The following AGAP1 variants were observed in gnomAD, a reference collection of about 807,000 sequenced individuals.
The protein encoded by AGAP1 is arf-GAP with GTPase, ANK repeat and PH domain-containing protein 1.
A neutral mutation model predicts 105.3 loss-of-function variants in AGAP1; 29 were observed. That is an observed-to-expected ratio of 0.28 (90% CI 0.21 to 0.38). The LOEUF is 0.38. Among genes scored for constraint, AGAP1 ranks in the 10% least tolerant of loss-of-function variants. AGAP1 has a pLI of 1.00. For synonymous variants in AGAP1, 509 were observed against 485.9 expected, an observed-to-expected ratio of 1.05 and a Z score of -0.63; for missense variants, 998 against 1,165.1, an observed-to-expected ratio of 0.86 and a Z score of 2.09.
intron 16 of AGAP1, among the ~76,000 whole-genome samples, chr2:236,094,923 CAAAAAAAAAAAAAAAA>C (rs59126473): frequency 2.6e-5 from 1 of 37,770 alleles, no homozygotes; most frequent in East Asian, 8.0e-4. Flanking sequence ...CCCATCTCTA[CAAAAAAAAAAAAAAAA>C]AAAAAAAAAA....
intron 16 of AGAP1, 84 bp downstream of exon 16, chr2:236,049,365 T>C: frequency 1.6e-6 from 2 of 1,280,766 alleles, no homozygotes; most frequent in Middle Eastern, 2.5e-4. Context: ...CAGCCACGGT[T>C]GGGAAGGCCC....
intron 1 of AGAP1, among the ~76,000 whole-genome samples, chr2:235,637,039 T>G (rs1947027141): frequency 6.6e-6 from 1 of 152,182 alleles, no homozygotes; most frequent in Non-Finnish European, 1.5e-5. Flanking sequence ...CTTGGACTTC[T>G]GGCCTCCAGA....
chr2:235,525,932 C>A (rs1942818248), intron 1 of AGAP1, among the ~76,000 whole-genome samples: 1 of 107,810 alleles, frequency 9.3e-6, no homozygotes, highest in Non-Finnish European at 1.9e-5. Context: ...AAGTAGAGGA[C>A]TGATTTATAA....
chr2:235,917,930 TA>T (rs776606610), intron 11 of AGAP1, among the ~76,000 whole-genome samples: 2 of 151,772 alleles, frequency 1.3e-5, no homozygotes, highest in East Asian at 1.9e-4. Flanking sequence ...TAATAGCTAT[TA>T]AAAAAAAATA....
rs190022361 is a variant in AGAP1, at chr2:235,583,135, A to T, written c.163+88286A>T. 5.4e-3 allele frequency among the ~76,000 whole-genome samples: 825 copies of T among 152,336 alleles called. 5 individuals carry two copies. Among genetic ancestry groups the T allele is most frequent in the African/African-American group, 0.019 (785 of 41,564 alleles). On this transcript the variant is annotated intron_variant, in intron 1 of 17. Transcript: ENST00000304032. ...GGGCACCTCCAAGTGGGCCAGGGTCAGGTGTGGGTCCTCTGCCTGGGTTTT... is the reference window on the plus strand; with the variant it reads ...GGGCACCTCCAAGTGGGCCAGGGTCTGGTGTGGGTCCTCTGCCTGGGTTTT...
chr2:235,797,934 A>G (rs1406868898), intron 7 of AGAP1, 48 bp downstream of exon 7: 1 of 1,599,812 alleles, frequency 6.3e-7, no homozygotes, highest in African/African-American at 1.3e-5. Flanking sequence ...CAAAGACAAT[A>G]TGCAAATAGT....
chr2:235,635,836 C>T lies in AGAP1; in HGVS notation c.164-73343C>T, dbSNP rs887414698. On this transcript the variant is annotated intron_variant, in intron 1 of 17. Transcript: ENST00000304032. This position sits in a 1 kb window ranked among gnomAD's most constrained non-coding sequence, Gnocchi z 5.3. The stretch of plus-strand genomic sequence containing the variant: ...GTGCTTTAAAAGTCTCATCTTAGAC[C>T]GGGCACAGTGACTCATGCCTGTAAT... Among the ~76,000 whole-genome samples, 8 of 152,066 alleles carry T rather than the reference C, an allele frequency of 5.3e-5. No homozygotes were observed. The highest frequency in any genetic ancestry group is 2.1e-4 in the South Asian group (1 of 4,812).
At chr2:235,783,406 T>G in intron 6 of AGAP1, 1 of 471,010 alleles carries the variant, frequency 2.1e-6, no homozygotes, top group South Asian at 1.6e-5. Flanking sequence ...TTATTGATAA[T>G]CAGGTGTTGC....
intron 1 of AGAP1, among the ~76,000 whole-genome samples, chr2:235,630,225 T>C (rs1288254007): frequency 6.6e-6 from 1 of 152,194 alleles, no homozygotes; most frequent in Admixed American, 6.5e-5. Context: ...TCTGTACTTT[T>C]TTTTTTGAGA....
At chr2:235,986,371 G>A (rs775767978) in intron 13 of AGAP1, among the ~76,000 whole-genome samples, 1 of 152,078 alleles carries the variant, frequency 6.6e-6, no homozygotes, top group Non-Finnish European at 1.5e-5. Context: ...GAGTTTTTAG[G>A]CTGAGATGAT....
intron 9 of AGAP1, among the ~76,000 whole-genome samples, chr2:235,857,192 C>G (rs572273267): frequency 2.6e-5 from 4 of 152,122 alleles, no homozygotes. Flanking sequence ...CGCTGCCTCC[C>G]GTCAGATCAG....
In AGAP1 at chr2:235,614,648, G is replaced by T. The variant is rs900988440; in HGVS notation, c.164-94531G>T. Among the ~76,000 whole-genome samples the T allele has an allele frequency of 6.6e-6, 1 of 152,228 alleles. No homozygotes were observed. The highest frequency in any genetic ancestry group is 1.5e-5 in the Non-Finnish European group (1 of 68,040). On this transcript the variant is annotated intron_variant, in intron 1 of 17. Transcript: ENST00000304032. The surrounding 1 kb of genome is among the most constrained non-coding windows in gnomAD (Gnocchi z 4.7). ...GGGTTGGCTCTCTACCCCCGTTGCA[G>T]ATTGGCTTGTGGTTTGGGGTGTGCC...
intron 1 of AGAP1, among the ~76,000 whole-genome samples, chr2:235,634,516 GTC>G (rs945031733): frequency 3.9e-5 from 6 of 152,176 alleles, no homozygotes; most frequent in Non-Finnish European, 8.8e-5. Flanking sequence ...TCAAAATGGA[GTC>G]TCTCAGGCTG....
intron 11 of AGAP1, among the ~76,000 whole-genome samples, chr2:235,916,729 T>C (rs996283957): frequency 2.0e-5 from 3 of 152,220 alleles, no homozygotes; most frequent in Non-Finnish European, 4.4e-5. Flanking sequence ...CAGAATTACA[T>C]CATTAATTCA....
intron 6 of AGAP1, among the ~76,000 whole-genome samples, chr2:235,776,627 C>T (rs912609376): frequency 6.6e-6 from 1 of 152,288 alleles, no homozygotes; most frequent in East Asian, 1.9e-4. Context: ...AATGTGGCAC[C>T]ACCTGTCCCA....
chr2:235,929,338 T>C (rs73128461), intron 11 of AGAP1, among the ~76,000 whole-genome samples: 1 of 152,248 alleles, frequency 6.6e-6, no homozygotes, highest in African/African-American at 2.4e-5. Flanking sequence ...GCGATGCTGC[T>C]TCTGTAGGTC....
At position 235,692,863 on chromosome 2, in the gene AGAP1, G is replaced by GTGA. The variant is rs1949802891; in HGVS notation, c.164-16316_164-16315insTGA. ...TGGTGTGCGTATCTCCCTTGATGTG[G>GTGA]CACTGCCTGGCTCCGGAGATAGCGA... On this transcript the variant is annotated intron_variant, in intron 1 of 17. Transcript: ENST00000304032. The surrounding 1 kb of genome is among the most constrained non-coding windows in gnomAD (Gnocchi z 5.8). Among the ~76,000 whole-genome samples, 1 of 152,140 alleles carries GTGA rather than the reference G, an allele frequency of 6.6e-6. No individual in the cohort carries two copies. Among genetic ancestry groups the GTGA allele is most frequent in the Non-Finnish European group, 1.5e-5 (1 of 68,020 alleles).
intron 10 of AGAP1, among the ~76,000 whole-genome samples, chr2:235,886,805 A>G (rs185873012): frequency 4.6e-5 from 7 of 152,308 alleles, no homozygotes; most frequent in African/African-American, 1.7e-4. Flanking sequence ...GTAATCCTTC[A>G]TGGGTTTCAT....
At position 235,610,303 on chromosome 2, in the gene AGAP1, C is replaced by T. The variant is rs1023177425; in HGVS notation, c.164-98876C>T. 3.3e-5 allele frequency among the ~76,000 whole-genome samples: 5 copies of T among 152,146 alleles called. No individual in the cohort carries two copies. The highest frequency in any genetic ancestry group is 7.2e-5 in the African/African-American group (3 of 41,424). On this transcript the variant is annotated intron_variant, in intron 1 of 17. Coordinates refer to ENST00000304032, the MANE Select transcript of AGAP1 (RefSeq NM_001037131.3). The surrounding 1 kb of genome is among the most constrained non-coding windows in gnomAD (Gnocchi z 4.9). Reference sequence around the variant, plus strand: ...GATACCTCGTCATCTTGGAGTCCACCGTGCACTTGTCCGCTTGGGCTGCCA... The same window carrying T: ...GATACCTCGTCATCTTGGAGTCCACTGTGCACTTGTCCGCTTGGGCTGCCA...
Sources: gnomAD v4.1 joint callset for allele counts (sites outside exome capture counted in the v4.1 genomes callset) on GRCh38, gnomAD v4.1.1 for gene constraint, Gnocchi (gnomAD v3.1) non-coding constraint, MANE v1.5 for transcripts, NCBI Gene and HGNC (gene_info 2026-07-23, HGNC 2026-07-21) for gene names.